The following SDK1 variants were observed in gnomAD, a reference collection of about 807,000 sequenced individuals.
The protein encoded by SDK1 is sidekick cell adhesion molecule 1, also known as protein sidekick-1.
Under a neutral mutation model 245.5 loss-of-function variants are expected in SDK1, and 157 were observed. That is an observed-to-expected ratio of 0.64 (90% confidence interval 0.56 to 0.73). The LOEUF (loss-of-function observed/expected upper bound fraction) is 0.73. SDK1 is among the 30% of genes least tolerant of loss of function. The pLI is 0.00. For missense variants in SDK1, 3,583 were observed against 3,002.3 expected (o/e 1.19, Z -4.52); for synonymous variants, 1,647 against 1,278.5 (o/e 1.29, Z -6.15).
chr7:3,725,177 T>C (rs1778973352), intron 4 of SDK1, among the ~76,000 whole-genome samples: 1 of 152,192 alleles, frequency 6.6e-6, no homozygotes, highest in African/African-American at 2.4e-5. Context: ...CTAGGGACTT[T>C]CTTGCTAGAA....
intron 1 of SDK1, among the ~76,000 whole-genome samples, chr7:3,363,909 G>A (rs185026120): frequency 1.5e-4 from 23 of 152,256 alleles, no homozygotes; most frequent in African/African-American, 4.8e-4. Context: ...ACTATTTTAC[G>A]TTGTCACCAG....
At chr7:3,377,613 C>T (rs1381511888) in intron 1 of SDK1, among the ~76,000 whole-genome samples, 1 of 152,062 alleles carries the variant, frequency 6.6e-6, no homozygotes, top group Non-Finnish European at 1.5e-5. Flanking sequence ...GTTCTGAGTT[C>T]CCTTTGTTCT....
chr7:3,613,140 A>G (rs1219252150), intron 1 of SDK1, among the ~76,000 whole-genome samples: 46 of 152,168 alleles, frequency 3.0e-4, no homozygotes, highest in Admixed American at 2.9e-3. Flanking sequence ...GTTTCAGATG[A>G]TACGACTTAA....
intron 4 of SDK1, among the ~76,000 whole-genome samples, chr7:3,790,168 C>T (rs150288758): frequency 1.3e-5 from 2 of 152,276 alleles, no homozygotes; most frequent in African/African-American, 4.8e-5. Flanking sequence ...TGCCGTCCTT[C>T]CTCAGACACC....
Position 3,366,344 on chromosome 7 carries a change from C to T in SDK1, c.298+64460C>T, listed in dbSNP as rs186876734. On this transcript the variant is annotated intron_variant, in intron 1 of 44. Transcript: ENST00000404826. The stretch of plus-strand genomic sequence containing the variant: ...TGTAGTAGTCTATGGTCTCTGGTCT[C>T]CTCCTTTCTTTTTTTTTTTATTTCA... 4.2e-3 allele frequency among the ~76,000 whole-genome samples: 638 copies of T among 151,874 alleles called. 8 individuals are homozygous for T. The highest frequency in any genetic ancestry group is 0.018 in the South Asian group (87 of 4,818).
chr7:3,720,851 C>T (rs1785346243), intron 4 of SDK1, among the ~76,000 whole-genome samples: 1 of 152,196 alleles, frequency 6.6e-6, no homozygotes, highest in African/African-American at 2.4e-5. Context: ...GTTCAAATAT[C>T]TTGCAATAGA....
At chr7:4,213,042 A>T (rs1364537245) in intron 38 of SDK1, among the ~76,000 whole-genome samples, 2 of 152,138 alleles carry the variant, frequency 1.3e-5, no homozygotes, top group African/African-American at 4.8e-5. Context: ...GCACTTTGGG[A>T]GGCCGAGGTG....
intron 44 of SDK1, 147 bp downstream of exon 44, chr7:4,245,952 T>A (rs1345454526): frequency 9.8e-7 from 1 of 1,015,420 alleles, no homozygotes; most frequent in Admixed American, 2.5e-5. Context: ...ATTATGCAGA[T>A]GAGAAAAGAG....
chr7:3,358,538 A>G (rs555176580), intron 1 of SDK1, among the ~76,000 whole-genome samples: 1 of 152,032 alleles, frequency 6.6e-6, no homozygotes, highest in East Asian at 1.9e-4. Context: ...GTCAGCCATC[A>G]TTACATTGTT....
intron 2 of SDK1, among the ~76,000 whole-genome samples, chr7:3,624,532 T>C (rs931961178): frequency 2.0e-5 from 3 of 152,106 alleles, no homozygotes; most frequent in African/African-American, 7.2e-5. Context: ...AATGGGATTT[T>C]CTGGGGAAGT....
At chr7:3,419,296 T>C (rs1043674565) in intron 1 of SDK1, among the ~76,000 whole-genome samples, 1 of 152,234 alleles carries the variant, frequency 6.6e-6, no homozygotes, top group Non-Finnish European at 1.5e-5. Context: ...AGAATCCATG[T>C]TCTTCCCTTT....
At chr7:3,543,985 C>T (rs1779132218) in intron 1 of SDK1, among the ~76,000 whole-genome samples, 1 of 152,166 alleles carries the variant, frequency 6.6e-6, no homozygotes, top group Admixed American at 6.5e-5. Context: ...TATCACTGGC[C>T]ATCTCTACTA....
chr7:3,669,446 A>G (rs1299597666), intron 4 of SDK1, among the ~76,000 whole-genome samples: 1 of 151,882 alleles, frequency 6.6e-6, no homozygotes, highest in Admixed American at 6.6e-5. Context: ...TTGAGTTCTT[A>G]CTCTCCTTGA....
At chr7:3,825,337 A>AAG (rs1371919653) in intron 5 of SDK1, among the ~76,000 whole-genome samples, 19 of 151,794 alleles carry the variant, frequency 1.3e-4, no homozygotes, top group Non-Finnish European at 2.4e-4. Context: ...AAAAAAAAAA[A>AAG]AAAGCCACAG....
chr7:4,123,254 A>T (rs916056625), intron 25 of SDK1, among the ~76,000 whole-genome samples: 3 of 152,234 alleles, frequency 2.0e-5, no homozygotes, highest in Non-Finnish European at 4.4e-5. Flanking sequence ...AGAACCTGGT[A>T]CCAACGTCTT....
chr7:3,374,920 C>G (rs1056155786), intron 1 of SDK1, among the ~76,000 whole-genome samples: 7 of 152,158 alleles, frequency 4.6e-5, no homozygotes, highest in Non-Finnish European at 1.0e-4. Context: ...GTCTGTCACT[C>G]CCATTGAAGG....
intron 44 of SDK1, among the ~76,000 whole-genome samples, chr7:4,263,198 C>A (rs190162415): frequency 1.2e-5 from 1 of 83,116 alleles, no homozygotes; most frequent in African/African-American, 5.4e-5. Context: ...TGCCCACCCG[C>A]TTCCCTGTAC....
chr7:3,318,938 C>A (rs1240275551), intron 1 of SDK1, among the ~76,000 whole-genome samples: 1 of 151,958 alleles, frequency 6.6e-6, no homozygotes, highest in African/African-American at 2.4e-5. Flanking sequence ...ACAGATGGTA[C>A]CTGGCAGACG....
intron 1 of SDK1, among the ~76,000 whole-genome samples, chr7:3,474,154 G>T (rs1301371488): frequency 7.1e-6 from 1 of 140,754 alleles, no homozygotes; most frequent in Non-Finnish European, 1.5e-5. Flanking sequence ...CCAGGCTGGG[G>T]CGCGGTGGCT....
Sources: gnomAD v4.1 joint callset for allele counts (sites outside exome capture counted in the v4.1 genomes callset) on GRCh38, gnomAD v4.1.1 for gene constraint, MANE v1.5 for transcripts, NCBI Gene and HGNC (gene_info 2026-07-23, HGNC 2026-07-21) for gene names.